Variants in ZDHHC21 observed in about 807,000 individuals in gnomAD.
ZDHHC21 encodes palmitoyltransferase ZDHHC21.
In ZDHHC21, 15 loss-of-function variants were observed where a neutral mutation model predicts 34.6. The ratio of observed to expected loss-of-function variants is 0.43; its 90% CI spans 0.29 to 0.67. The LOEUF (loss-of-function observed/expected upper bound fraction) is 0.67. ZDHHC21 is among the 30% of genes least tolerant of loss of function. The pLI is 0.14. For synonymous variants in ZDHHC21, 142 were observed against 101.8 expected, an observed-to-expected ratio of 1.40 and a Z score of -2.38; for missense variants, 344 against 327.7, an observed-to-expected ratio of 1.05 and a Z score of -0.38.
At chr9:14,624,646 G>A (rs1825895337) in intron 8 of ZDHHC21, among the ~76,000 whole-genome samples, 1 of 152,002 alleles carries the variant, frequency 6.6e-6, no homozygotes, top group African/African-American at 2.4e-5. Flanking sequence ...ACTGGGGAGG[G>A]TAGAAAGAAG....
At chr9:14,647,458 C>A (rs1336687639) in intron 7 of ZDHHC21, among the ~76,000 whole-genome samples, 1 of 152,066 alleles carries the variant, frequency 6.6e-6, no homozygotes, top group African/African-American at 2.4e-5. Flanking sequence ...AGAACTGTAA[C>A]TCATAACATA....
intron 5 of ZDHHC21, among the ~76,000 whole-genome samples, chr9:14,668,635 T>A (rs956563140): frequency 6.6e-6 from 1 of 151,544 alleles, no homozygotes; most frequent in Non-Finnish European, 1.5e-5. Flanking sequence ...AACAGCATGG[T>A]ACTGGTACCA....
intron 8 of ZDHHC21, among the ~76,000 whole-genome samples, chr9:14,621,147 G>A (rs911738428): frequency 1.3e-5 from 2 of 151,886 alleles, no homozygotes; most frequent in East Asian, 1.9e-4. Context: ...TTACACAAAA[G>A]TACGAAGAAA....
At chr9:14,598,366 T>C in the ZDHHC21 span, among the ~76,000 whole-genome samples, 1 of 152,096 alleles carries the variant, frequency 6.6e-6, no homozygotes, top group Admixed American at 6.5e-5. Flanking sequence ...ATAGAAATAA[T>C]ACGACGACTA....
chr9:14,632,064 A>AACACACAC (rs760320176), intron 8 of ZDHHC21, among the ~76,000 whole-genome samples: 1 of 135,070 alleles, frequency 7.4e-6, no homozygotes, highest in African/African-American at 2.8e-5. Context: ...AACACACACA[A>AACACACAC]ACACACACAC....
In ZDHHC21 at chr9:14,615,374, G is replaced by C. The variant is rs1335349096; in HGVS notation, c.*3592C>G. Reference sequence around the variant, plus strand: ...AAACGCACTGATGTTAATCCTGGCAGATGTTTTAACTCAGCTGTTATACTG... The same window carrying C: ...AAACGCACTGATGTTAATCCTGGCACATGTTTTAACTCAGCTGTTATACTG... On this transcript the variant is annotated 3_prime_UTR_variant, in exon 10 of 10. Transcript: ENST00000380916. The C allele has an allele frequency of 6.6e-6, 1 of 151,634 alleles. No individual in the cohort carries two copies. The highest frequency in any genetic ancestry group is 1.5e-5 in the Non-Finnish European group (1 of 67,698). The allele number at this position is 151,634 out of a possible 1,614,324, so 9.4% of individuals were successfully genotyped here.
intron 7 of ZDHHC21, among the ~76,000 whole-genome samples, chr9:14,658,186 T>A (rs1042878697): frequency 6.6e-6 from 1 of 152,190 alleles, no homozygotes; most frequent in Admixed American, 6.5e-5. Context: ...TTGTAGATAT[T>A]TTTAAACCAA....
At chr9:14,628,495 G>C (rs1826709578) in intron 8 of ZDHHC21, among the ~76,000 whole-genome samples, 2 of 152,146 alleles carry the variant, frequency 1.3e-5, no homozygotes, top group Non-Finnish European at 2.9e-5. Flanking sequence ...CTATATTCAA[G>C]CTATGCAATA....
intron 6 of ZDHHC21, among the ~76,000 whole-genome samples, chr9:14,661,119 T>C (rs1234831024): frequency 6.6e-6 from 1 of 152,172 alleles, no homozygotes; most frequent in Non-Finnish European, 1.5e-5. Context: ...CTCTATCTTG[T>C]TGACAGATTT....
At chr9:14,592,075 C>T in the ZDHHC21 span, among the ~76,000 whole-genome samples, 2 of 151,984 alleles carry the variant, frequency 1.3e-5, no homozygotes, top group African/African-American at 4.8e-5. Flanking sequence ...TGTCTGCATG[C>T]CATTTTTACA....
chr9:14,614,325 TTC>T lies in ZDHHC21; in HGVS notation c.*4639_*4640del, dbSNP rs1395067485. 10 of 151,772 alleles carry T rather than the reference TTC, an allele frequency of 6.6e-5. No individual in the cohort carries two copies. The highest frequency in any genetic ancestry group is 2.2e-4 in the African/African-American group (9 of 41,426). The allele number at this position is 151,772 out of a possible 1,614,324, so 9.4% of individuals were successfully genotyped here. ...TGACTTTTTAAAATACCATTGTTAT[TTC>T]TGTTTCAAATTAGCAGGCAGTATTG... is the stretch of plus-strand genomic sequence containing the variant. On this transcript the variant is annotated 3_prime_UTR_variant, in exon 10 of 10. Transcript: ENST00000380916.
At chr9:14,640,290 T>C (rs1219179950) in intron 7 of ZDHHC21, among the ~76,000 whole-genome samples, 4 of 144,674 alleles carry the variant, frequency 2.8e-5, no homozygotes, top group Admixed American at 7.0e-5. Flanking sequence ...CTTGTTTGTT[T>C]TTTGAACCTA....
intron 7 of ZDHHC21, among the ~76,000 whole-genome samples, chr9:14,655,366 G>A (rs1832014142): frequency 6.6e-6 from 1 of 151,932 alleles, no homozygotes. Context: ...AATAAGCCTA[G>A]AGGAGGCTCA....
At chr9:14,619,217 T>C (rs1824821380) in intron 9 of ZDHHC21, 119 bp from the exon 10 acceptor site, 1 of 1,087,184 alleles carries the variant, frequency 9.2e-7, no homozygotes, top group African/African-American at 1.6e-5. Context: ...TGTCCCAGCA[T>C]CATAAATACA....
In ZDHHC21 at chr9:14,614,445, AGTT is replaced by A. The variant is rs1371637585; in HGVS notation, c.*4518_*4520del. 2 of 151,758 alleles carry A rather than the reference AGTT, an allele frequency of 1.3e-5. No individual in the cohort carries two copies. Among genetic ancestry groups the A allele is most frequent in the East Asian group, 3.8e-4 (2 of 5,196 alleles). 9.4% of individuals were successfully genotyped at this position (151,758 alleles called of 1,614,324 possible). ...GAAGTCAGAAAAGTCACTTTCCTGA[AGTT>A]AAACCATCATCATCTCAAAAGGAGC... is the stretch of plus-strand genomic sequence containing the variant. On this transcript the variant is annotated 3_prime_UTR_variant, in exon 10 of 10. Transcript: ENST00000380916.
chr9:14,605,084 T>G, the ZDHHC21 span, among the ~76,000 whole-genome samples: 1 of 152,176 alleles, frequency 6.6e-6, no homozygotes, highest in African/African-American at 2.4e-5. Flanking sequence ...ACGTATATAC[T>G]AAATTTTCTA....
intron 8 of ZDHHC21, among the ~76,000 whole-genome samples, chr9:14,638,739 T>C (rs1392254769): frequency 6.6e-6 from 1 of 151,388 alleles, no homozygotes; most frequent in Non-Finnish European, 1.5e-5. Context: ...AAAGAAGATA[T>C]GCAAATAGCC....
intron 7 of ZDHHC21, among the ~76,000 whole-genome samples, chr9:14,645,042 G>A (rs1459781667): frequency 1.3e-5 from 2 of 152,038 alleles, no homozygotes; most frequent in Non-Finnish European, 2.9e-5. Flanking sequence ...GAGAAAAAAA[G>A]TCTTAGCTAT....
intron 8 of ZDHHC21, among the ~76,000 whole-genome samples, chr9:14,631,848 T>C (rs1827401871): frequency 6.6e-6 from 1 of 152,176 alleles, no homozygotes; most frequent in Non-Finnish European, 1.5e-5. Flanking sequence ...GCGCAGTTTG[T>C]GGTGCCCCAA....
Sources: allele counts gnomAD v4.1 joint callset (sites outside exome capture counted in the v4.1 genomes callset), GRCh38; gene constraint gnomAD v4.1.1; transcripts MANE v1.5; gene names NCBI Gene and HGNC (gene_info 2026-07-23, HGNC 2026-07-21).